Variants in LIPA observed in about 807,000 individuals in gnomAD.
LIPA encodes lysosomal acid lipase/cholesteryl ester hydrolase.
LIPA carries 26 observed loss-of-function variants against 40.6 expected under a neutral mutation model. The observed-to-expected ratio is 0.64, with a 90% CI of 0.47 to 0.89. The LOEUF (loss-of-function observed/expected upper bound fraction) is 0.89, where lower values mean the gene tolerates loss of function less well. LIPA is among the 40% of genes least tolerant of loss of function. LIPA has a pLI of 0.00. For synonymous variants in LIPA, 188 were observed against 168.4 expected (o/e 1.12, Z -0.90); for missense variants, 455 against 479.6 (o/e 0.95, Z 0.48).
At chr10:89,361,748 T>C (rs1844022855) in intron 2 of LIPA, among the ~76,000 whole-genome samples, 2 of 152,070 alleles carry the variant, frequency 1.3e-5, no homozygotes, top group East Asian at 1.9e-4. Flanking sequence ...CCTTAGGATA[T>C]TGCAGGGACA....
intron 1 of LIPA, among the ~76,000 whole-genome samples, chr10:89,300,727 C>T (rs942627269): frequency 2.6e-5 from 4 of 152,206 alleles, no homozygotes; most frequent in Non-Finnish European, 4.4e-5. Context: ...TGGCTCACGC[C>T]TGTAATCCCA....
At chr10:89,215,806 G>A in intron 9 of LIPA, 132 bp downstream of exon 9, 1 of 773,116 alleles carries the variant, frequency 1.3e-6, no homozygotes, top group African/African-American at 1.7e-5. Flanking sequence ...TGGACTGATG[G>A]AAAACAAACA....
At chr10:89,392,571 C>A in intron 2 of LIPA, 1 of 775,538 alleles carries the variant, frequency 1.3e-6, no homozygotes. Flanking sequence ...CAGCTTACAC[C>A]ATTGGCTGCT....
chr10:89,355,859 T>A (rs1376250883), intron 2 of LIPA, among the ~76,000 whole-genome samples: 2 of 152,186 alleles, frequency 1.3e-5, no homozygotes, highest in Admixed American at 1.3e-4. Flanking sequence ...ATGGCAACAT[T>A]CAGAAGTTAA....
intron 2 of LIPA, chr10:89,403,617 A>T: frequency 1.9e-6 from 3 of 1,614,144 alleles, no homozygotes; most frequent in Non-Finnish European, 2.5e-6. Flanking sequence ...GTTCGTCTAC[A>T]AATTGGAAGG....
At position 89,227,426 on chromosome 10, in the gene LIPA, T is replaced by C. The variant is rs567902552; in HGVS notation, c.429-422A>G. ...CTGTTTTCCGTTGTTACAAATAGCGTGACAATAAACCAATTCTTGTATATG... is the reference window on the plus strand; with the variant it reads ...CTGTTTTCCGTTGTTACAAATAGCGCGACAATAAACCAATTCTTGTATATG... On this transcript the variant is annotated intron_variant, in intron 4 of 9. Coordinates refer to ENST00000336233, the MANE Select transcript of LIPA (RefSeq NM_000235.4). Among the ~76,000 whole-genome samples the C allele has an allele frequency of 6.0e-5, 9 of 149,152 alleles. No individual in the cohort carries two copies. The Admixed American group carries it at 6.0e-4, about 10-fold the overall frequency.
intron 1 of LIPA, among the ~76,000 whole-genome samples, chr10:89,341,219 T>C (rs938961341): frequency 2.0e-5 from 3 of 152,222 alleles, no homozygotes; most frequent in African/African-American, 7.2e-5. Flanking sequence ...CAGCTGCTGC[T>C]GTAGACAGGG....
At chr10:89,380,467 C>T (rs57782005) in intron 2 of LIPA, among the ~76,000 whole-genome samples, 3 of 151,468 alleles carry the variant, frequency 2.0e-5, no homozygotes, top group Non-Finnish European at 2.9e-5. Flanking sequence ...ACAGGGCCTC[C>T]CTCTGTCACC....
intron 1 of LIPA, among the ~76,000 whole-genome samples, chr10:89,263,382 G>A (rs925977836): frequency 6.6e-6 from 1 of 152,178 alleles, no homozygotes; most frequent in African/African-American, 2.4e-5. Context: ...AGACCTTTTG[G>A]TGGATTGCTA....
At chr10:89,231,132 A>G (rs1842836862) in intron 3 of LIPA, among the ~76,000 whole-genome samples, 1 of 152,240 alleles carries the variant, frequency 6.6e-6, no homozygotes, top group South Asian at 2.1e-4. Flanking sequence ...ATACAAAATT[A>G]TAGACTACTC....
intron 2 of LIPA, chr10:89,383,609 G>A: frequency 6.2e-7 from 1 of 1,614,198 alleles, no homozygotes; most frequent in South Asian, 1.1e-5. Context: ...GTGACCTGGG[G>A]CAACTTTGCC....
In LIPA at chr10:89,223,783, C is replaced by T. The variant is rs1450598283; in HGVS notation, c.723G>A (p.Lys241=). Residue 241 remains lysine (K), a synonymous_variant, in exon 7 of 10, where the codon AAG becomes AAA. Transcript: ENST00000336233. The part of the protein sequence containing the change: ...KEFLPQSAFL[K]WLGTHVCTHV... ...GAGTGCAAACGTGGGTACCCAGCCACTTCAAAAACGCACTCTGGGGAAGAA... is the reference window on the plus strand; with the variant it reads ...GAGTGCAAACGTGGGTACCCAGCCATTTCAAAAACGCACTCTGGGGAAGAA... The T allele has an allele frequency of 6.2e-7, 1 of 1,614,124 alleles. No homozygotes were observed. The highest frequency in any genetic ancestry group is 8.5e-7 in the Non-Finnish European group (1 of 1,179,978).
intron 1 of LIPA, chr10:89,307,907 G>C (rs1589596575): frequency 6.4e-6 from 1 of 155,498 alleles, no homozygotes. Flanking sequence ...CTCCTTCCCA[G>C]TCTATCATCA....
intron 8 of LIPA, among the ~76,000 whole-genome samples, chr10:89,216,908 C>T (rs1429792971): frequency 6.6e-6 from 1 of 152,094 alleles, no homozygotes; most frequent in Non-Finnish European, 1.5e-5. Context: ...GTATAATCAC[C>T]AAGTAGTACT....
At chr10:89,353,935 C>T (rs956915018) in intron 2 of LIPA, among the ~76,000 whole-genome samples, 5 of 151,230 alleles carry the variant, frequency 3.3e-5, no homozygotes, top group African/African-American at 7.3e-5. Context: ...AATGAGACTC[C>T]GTCTCAAAAA....
chr10:89,318,475 C>T (rs1335804830), intron 1 of LIPA, among the ~76,000 whole-genome samples: 1 of 152,166 alleles, frequency 6.6e-6, no homozygotes. Flanking sequence ...AAGGCCATTA[C>T]ATAATGGTAA....
At chr10:89,378,635 T>C (rs978865741) in intron 2 of LIPA, among the ~76,000 whole-genome samples, 1 of 152,058 alleles carries the variant, frequency 6.6e-6, no homozygotes, top group Admixed American at 6.5e-5. Context: ...CCAACCCCAG[T>C]AGAAAGTAAA....
intron 1 of LIPA, among the ~76,000 whole-genome samples, chr10:89,315,269 T>C (rs1461937146): frequency 6.6e-6 from 1 of 152,264 alleles, no homozygotes; most frequent in Admixed American, 6.5e-5. Context: ...TTTATAAAGA[T>C]ATGTCACTTT....
chr10:89,365,529 C>T (rs960362893), intron 2 of LIPA, among the ~76,000 whole-genome samples: 2 of 152,076 alleles, frequency 1.3e-5, no homozygotes, highest in Non-Finnish European at 2.9e-5. Flanking sequence ...CTTGCCCATG[C>T]GTATGTCCTG....
Sources: gnomAD v4.1 joint callset for allele counts (sites outside exome capture counted in the v4.1 genomes callset) on GRCh38, gnomAD v4.1.1 for gene constraint, MANE v1.5 for transcripts, NCBI Gene and HGNC (gene_info 2026-07-23, HGNC 2026-07-21) for gene names.